SEC61A2: variants seen among roughly 807,000 people sequenced by gnomAD.
SEC61A2 encodes the protein protein transport protein Sec61 subunit alpha isoform 2.
In SEC61A2, 28 loss-of-function variants were observed where a neutral mutation model predicts 59.9. That is an observed-to-expected ratio of 0.47 (90% confidence interval 0.35 to 0.64). The LOEUF is 0.64. Ranked by LOEUF, SEC61A2 falls within the 30% of genes least tolerant of loss-of-function variation. The pLI, the probability that SEC61A2 is intolerant of heterozygous loss-of-function variation, is 0.01. For missense variants in SEC61A2, 340 were observed against 585.9 expected (o/e 0.58, Z 4.33); for synonymous variants, 202 against 214.4 (o/e 0.94, Z 0.50).
At chr10:12,165,422 A>C (rs1834646714), downstream of SEC61A2, 1 of 916,994 alleles carries the variant, frequency 1.1e-6, no homozygotes, top group Non-Finnish European at 1.3e-6. Context: ...TTCTAAGATC[A>C]TTTGTATAGG....
At chr10:12,133,385 C>A in intron 2 of SEC61A2, 77 bp downstream of exon 2, 1 of 717,588 alleles carries the variant, frequency 1.4e-6, no homozygotes, top group Non-Finnish European at 2.4e-6. Flanking sequence ...CATTTCCTTA[C>A]CTCAGTCCTT....
chr10:12,140,533 G>C (rs994550552), intron 3 of SEC61A2, among the ~76,000 whole-genome samples: 26 of 152,212 alleles, frequency 1.7e-4, no homozygotes, highest in Admixed American at 5.9e-4. Context: ...TTGGCTTGCT[G>C]TTTCCCACAG....
At chr10:12,133,421 G>A in intron 2 of SEC61A2, 113 bp downstream of exon 2, 1 of 534,356 alleles carries the variant, frequency 1.9e-6, no homozygotes. Context: ...GAAAACTATT[G>A]GTGTTCATCC....
In SEC61A2 at chr10:12,162,278, T is replaced by C. The variant is rs763252803; in HGVS notation, c.1233T>C (p.His411=). 4.3e-6 allele frequency: 7 copies of C among 1,612,748 alleles called. No individual in the cohort carries two copies. In the East Asian group the frequency reaches 8.9e-5, roughly 21 times the overall value. The change falls in exon 11 of 12, where the codon CAT becomes CAC. Residue 411 remains histidine, a synonymous_variant. Coordinates refer to ENST00000298428, the MANE Select transcript of SEC61A2 (RefSeq NM_018144.4). This position sits in a 1 kb window ranked among gnomAD's most constrained non-coding sequence, Gnocchi z 6.1. ...GCCACCGAGATACCTCTATGGTTCA[T>C]GAGCTTAATAGGTAAGGCTGCTAGA... is the stretch of plus-strand genomic sequence containing the variant. ...MRGHRDTSMV[H]ELNRYIPTAA... is the part of the protein sequence containing the mutation.
intron 4 of SEC61A2, among the ~76,000 whole-genome samples, chr10:12,144,921 G>A (rs1175317113): frequency 1.3e-5 from 2 of 152,066 alleles, no homozygotes; most frequent in Non-Finnish European, 2.9e-5. Flanking sequence ...GTGGTCGTGT[G>A]TACTGTGGTC....
downstream of SEC61A2, chr10:12,167,370 A>T (rs770063108): frequency 4.9e-6 from 1 of 205,266 alleles, no homozygotes; most frequent in African/African-American, 2.4e-5. Flanking sequence ...TTGAGAACTC[A>T]GGTCTATTTC....
downstream of SEC61A2, among the ~76,000 whole-genome samples, chr10:12,168,699 T>C (rs1487335378): frequency 1.3e-5 from 2 of 152,206 alleles, no homozygotes; most frequent in Admixed American, 6.5e-5. The surrounding 1 kb of genome is among the most constrained non-coding windows in gnomAD (Gnocchi z 4.8). Flanking sequence ...CCTACTCACC[T>C]GGGCACAGCA....
rs555058484 is a variant in SEC61A2, at chr10:12,162,013, C to T, written c.1168-200C>T. ...TAATTGAAGAAGGGTTGAGAAGCAC[C>T]GGTTTCATATGGGTAACATGGAGCG... On this transcript the variant is annotated intron_variant, in intron 10 of 11. Transcript: ENST00000298428. This position sits in a 1 kb window ranked among gnomAD's most constrained non-coding sequence, Gnocchi z 6.1. Among the ~76,000 whole-genome samples the T allele has an allele frequency of 9.2e-5, 14 of 152,152 alleles. No homozygotes were observed. The South Asian group carries it at 1.2e-3, about 14-fold the overall frequency.
chr10:12,165,052 CTCCTCCTCTTCCTCT>C lies in SEC61A2; in HGVS notation c.*606_*620del. ...CTGCTTCTAAGGCCTCCTCCTTCTC[CTCCTCCTCTTCCTCT>C]TCCTCCTTTTCCTTCTCCTCCTCCT... On this transcript the variant is annotated 3_prime_UTR_variant, in exon 12 of 12. Coordinates refer to ENST00000298428, the MANE Select transcript of SEC61A2 (RefSeq NM_018144.4). 2.0e-6 allele frequency: 2 copies of C among 987,004 alleles called. No homozygotes were observed. Among genetic ancestry groups the C allele is most frequent in the African/African-American group, 3.5e-5 (2 of 57,256 alleles). The allele number at this position is 987,004 out of a possible 1,614,324, so 61.1% of individuals were successfully genotyped here.
rs543267327 is a variant in SEC61A2 at position 12,154,452 on chromosome 10, G to A, written c.463-1326G>A. On this transcript the variant is annotated intron_variant, in intron 6 of 11. Coordinates refer to ENST00000298428, the MANE Select transcript of SEC61A2 (RefSeq NM_018144.4). This position sits in a 1 kb window ranked among gnomAD's most constrained non-coding sequence, Gnocchi z 5.2. ...ATGCTTTCTGTGGCTGATGTTCATG[G>A]ACGGCTGTTGCCTCCTGCATAGGAT... is the stretch of plus-strand genomic sequence containing the variant. 1.3e-5 allele frequency among the ~76,000 whole-genome samples: 2 copies of A among 152,180 alleles called. No homozygotes were observed. Among genetic ancestry groups the A allele is most frequent in the African/African-American group, 4.8e-5 (2 of 41,460 alleles).
At chr10:12,157,820 CCGCA>C in intron 8 of SEC61A2, 84 bp from the exon 9 acceptor site, 1 of 1,263,890 alleles carries the variant, frequency 7.9e-7, no homozygotes, top group Non-Finnish European at 1.1e-6. Context: ...TTTTCATCCC[CCGCA>C]CTGTTCTTTG....
At chr10:12,139,050 C>T (rs1417585522) in intron 3 of SEC61A2, among the ~76,000 whole-genome samples, 1 of 152,162 alleles carries the variant, frequency 6.6e-6, no homozygotes, top group African/African-American at 2.4e-5. Context: ...CAAGCTCCGC[C>T]TCCCGGGTTC....
rs1197969539 is a variant in SEC61A2 at position 12,133,255 on chromosome 10, G to C, written c.22G>C (p.Val8Leu). 10 of 1,530,402 alleles carry C rather than the reference G, an allele frequency of 6.5e-6. No individual in the cohort carries two copies. The highest frequency in any genetic ancestry group is 9.0e-6 in the Non-Finnish European group (10 of 1,111,784). 94.8% of individuals were successfully genotyped at this position (1,530,402 alleles called of 1,614,324 possible). Residue 8 changes from valine to leucine, a missense_variant, in exon 2 of 12, where the codon GTT (valine) becomes CTT (leucine). Val to Leu is a conservative substitution (Grantham distance 32). Around this residue, in one of 3 missense-constraint regions of SEC61A2, gnomAD observed 41 missense variants for 47.6 expected, o/e 0.86. Coordinates refer to ENST00000298428, the MANE Select transcript of SEC61A2 (RefSeq NM_018144.4). MGIKFLE[V>L]IKPFCAVLPE... ...TCTTTTTACAGTCAAATTTTTAGAA[G>C]TTATCAAACCATTCTGTGCAGTTCT... is the stretch of plus-strand genomic sequence containing the variant.
chr10:12,164,417 A>G lies in SEC61A2; in HGVS notation c.1394A>G (p.Gln465Arg). The change falls in exon 12 of 12, where the codon CAG becomes CGG. Residue 465 changes from glutamine (Q) to arginine (R), a missense_variant. Gln to Arg is a conservative substitution (Grantham distance 43). This residue lies in a region of SEC61A2 where 283 missense variants were observed against 483.2 expected (regional missense o/e 0.59). Transcript: ENST00000298428. The surrounding 1 kb of genome is among the most constrained non-coding windows in gnomAD (Gnocchi z 7.3). ...YQYFEIFVKEQAEVGGMGALF... is the reference protein window; with the variant it reads ...YQYFEIFVKERAEVGGMGALF... ...TATTTTGAAATATTTGTTAAAGAACAGGCCGAAGTTGGTGGGATGGGTGCT... is the reference window on the plus strand; with the variant it reads ...TATTTTGAAATATTTGTTAAAGAACGGGCCGAAGTTGGTGGGATGGGTGCT... The G allele has an allele frequency of 6.2e-7, 1 of 1,613,532 alleles. No individual in the cohort carries two copies. Among genetic ancestry groups the G allele is most frequent in the South Asian group, 1.1e-5 (1 of 90,926 alleles).
At chr10:12,146,431 G>A (rs192033978) in intron 4 of SEC61A2, among the ~76,000 whole-genome samples, 5 of 152,282 alleles carry the variant, frequency 3.3e-5, no homozygotes, top group Admixed American at 2.6e-4. Flanking sequence ...GCCTACTCCT[G>A]TGCTGCATTT....
At position 12,154,107 on chromosome 10, in the gene SEC61A2, G is replaced by A. The variant is rs1010147042; in HGVS notation, c.463-1671G>A. ...TTTATACCGGCTCATCATACATGTCGTCCATTCCCCGTGAACATGTAGCAG... is the reference window on the plus strand; with the variant it reads ...TTTATACCGGCTCATCATACATGTCATCCATTCCCCGTGAACATGTAGCAG... On this transcript the variant is annotated intron_variant, in intron 6 of 11. Transcript: ENST00000298428. This position sits in a 1 kb window ranked among gnomAD's most constrained non-coding sequence, Gnocchi z 5.2. 4.6e-5 allele frequency among the ~76,000 whole-genome samples: 7 copies of A among 152,082 alleles called. No individual in the cohort carries two copies. The East Asian group carries it at 1.2e-3, about 25-fold the overall frequency.
chr10:12,168,482 CAT>C (rs1298787892), downstream of SEC61A2, among the ~76,000 whole-genome samples: 10 of 152,288 alleles, frequency 6.6e-5, no homozygotes, highest in Admixed American at 2.6e-4. The surrounding 1 kb of genome is among the most constrained non-coding windows in gnomAD (Gnocchi z 4.8). Flanking sequence ...CTAGGGGATA[CAT>C]ATGTTCCCCC....
Position 12,136,314 on chromosome 10 carries a change from T to C in SEC61A2, c.141+144T>C, listed in dbSNP as rs553586123. On this transcript the variant is annotated intron_variant, in intron 3 of 11. Coordinates refer to ENST00000298428, the MANE Select transcript of SEC61A2 (RefSeq NM_018144.4). ...TTATTATCCTTTTTATTTTTTATTA[T>C]TAATTTTTTTTTGAGATGGAGTCTC... The C allele has an allele frequency of 4.4e-4, 205 of 462,108 alleles. 1 individual carries two copies. Among genetic ancestry groups the C allele is most frequent in the Non-Finnish European group, 7.0e-4 (186 of 267,232 alleles). 28.6% of individuals were successfully genotyped at this position (462,108 alleles called of 1,614,324 possible). A position where few individuals can be genotyped will look rare whatever the true frequency, so the allele number is the denominator to read the frequency against.
At chr10:12,139,514 G>A (rs1420762894) in intron 3 of SEC61A2, among the ~76,000 whole-genome samples, 4 of 151,906 alleles carry the variant, frequency 2.6e-5, no homozygotes, top group African/African-American at 9.7e-5. Context: ...GCTGGGCGCG[G>A]TAGCTCACAC....
Sources: gnomAD v4.1 joint callset for allele counts (sites outside exome capture counted in the v4.1 genomes callset) on GRCh38, gnomAD v4.1.1 for gene constraint, gnomAD v4.1.1 regional missense constraint, Gnocchi (gnomAD v3.1) non-coding constraint, MANE v1.5 for transcripts, NCBI Gene and HGNC (gene_info 2026-07-23, HGNC 2026-07-21) for gene names.